KIAA1549L: variants seen among roughly 807,000 people sequenced by gnomAD.
KIAA1549L encodes the protein UPF0606 protein KIAA1549L.
Under a neutral mutation model 160.7 loss-of-function variants are expected in KIAA1549L, and 88 were observed. The observed-to-expected ratio is 0.55, with a 90% CI of 0.46 to 0.65. The LOEUF (loss-of-function observed/expected upper bound fraction) is 0.65, where lower values mean the gene tolerates loss of function less well. KIAA1549L is among the 30% of genes least tolerant of loss of function. The pLI is 0.00. For synonymous variants in KIAA1549L, 950 were observed against 976.7 expected (o/e 0.97, Z 0.51); for missense variants, 2,258 against 2,437.5 (o/e 0.93, Z 1.55).
intron 1 of KIAA1549L, among the ~76,000 whole-genome samples, chr11:33,447,920 A>G (rs568845815): frequency 1.3e-5 from 2 of 152,286 alleles, no homozygotes; most frequent in East Asian, 3.9e-4. Context: ...AAGAGTGAGC[A>G]TTCCAGACAG....
At position 33,606,669 on chromosome 11, in the gene KIAA1549L, G is replaced by C. The variant is rs988171118; in HGVS notation, c.4908G>C (p.Ala1636=). The change falls in exon 14 of 21, where the codon GCG becomes GCC. Residue 1636 remains alanine (A), a synonymous_variant. Transcript: ENST00000658780. ...NVPASDEEEG[A]VLFDNSSKVA... is the part of the protein sequence containing the mutation. Reference sequence around the variant, plus strand: ...CAGCGAGTGACGAAGAGGAGGGAGCGGTTCTATTTGACAACTCCAGCAAGG... The same window carrying C: ...CAGCGAGTGACGAAGAGGAGGGAGCCGTTCTATTTGACAACTCCAGCAAGG... 4 of 1,613,796 alleles carry C rather than the reference G, an allele frequency of 2.5e-6. No individual in the cohort carries two copies. The highest frequency in any genetic ancestry group is 3.3e-4 in the Middle Eastern group (2 of 6,082).
intron 12 of KIAA1549L, among the ~76,000 whole-genome samples, chr11:33,598,172 GAGTT>G (rs1421044848): frequency 5.4e-5 from 8 of 148,664 alleles, no homozygotes; most frequent in East Asian, 2.0e-4. Flanking sequence ...CACAGTTAGA[GAGTT>G]AGAGAGAGAA....
intron 16 of KIAA1549L, among the ~76,000 whole-genome samples, chr11:33,633,841 T>G (rs999115980): frequency 6.6e-6 from 1 of 152,206 alleles, no homozygotes; most frequent in Non-Finnish European, 1.5e-5. Context: ...CCTTCCTATC[T>G]GCGCTTTAGT....
At chr11:33,559,257 T>C (rs1854756344) in intron 6 of KIAA1549L, among the ~76,000 whole-genome samples, 1 of 152,212 alleles carries the variant, frequency 6.6e-6, no homozygotes, top group Non-Finnish European at 1.5e-5. Context: ...TCAGGCTTTC[T>C]CTATCTGAGC....
At position 33,669,985 on chromosome 11, in the gene KIAA1549L, T is replaced by C. The variant is rs1590476377; in HGVS notation, c.*1831T>C. The C allele has an allele frequency of 6.6e-6, 1 of 152,234 alleles. No homozygotes were observed. The highest frequency in any genetic ancestry group is 1.5e-5 in the Non-Finnish European group (1 of 68,042). The allele number at this position is 152,234 out of a possible 1,614,324, so 9.4% of individuals were successfully genotyped here. On this transcript the variant is annotated 3_prime_UTR_variant, in exon 21 of 21. Coordinates refer to ENST00000658780, the MANE Select transcript of KIAA1549L (RefSeq NM_012194.3). ...TATATTTCTATCAATGGCCAGTTGTTGTAGTCCAAAACCTAAATCAGTTTG... is the reference window on the plus strand; with the variant it reads ...TATATTTCTATCAATGGCCAGTTGTCGTAGTCCAAAACCTAAATCAGTTTG...
rs1852392927 is a variant in KIAA1549L at position 33,480,680 on chromosome 11, G to A, written c.239-61122G>A. The stretch of plus-strand genomic sequence containing the variant: ...TCAGTCCACATAGACACTGCAAGAA[G>A]CTCATCACCCAAGTCCTGGTGGGCC... On this transcript the variant is annotated intron_variant, in intron 1 of 20. Coordinates refer to ENST00000658780, the MANE Select transcript of KIAA1549L (RefSeq NM_012194.3). 2.0e-5 allele frequency among the ~76,000 whole-genome samples: 3 copies of A among 152,206 alleles called. No homozygotes were observed. In the South Asian group the frequency reaches 6.2e-4, roughly 32 times the overall value.
intron 4 of KIAA1549L, among the ~76,000 whole-genome samples, chr11:33,549,582 G>A (rs760836463): frequency 2.0e-5 from 3 of 152,186 alleles, no homozygotes; most frequent in Non-Finnish European, 4.4e-5. Context: ...CCATCTTCAT[G>A]AAAAACTGAC....
In KIAA1549L at chr11:33,544,810, C is replaced by T. The variant is rs190536807; in HGVS notation, c.2817C>T (p.Ala939=). The T allele has an allele frequency of 5.1e-4, 815 of 1,608,706 alleles. 4 individuals are homozygous for T. The highest frequency in any genetic ancestry group is 1.2e-4 in the African/African-American group (9 of 74,920). Residue 939 remains alanine, a synonymous_variant, in exon 3 of 21, where the codon GCC becomes GCT. Transcript: ENST00000658780. The part of the protein sequence containing the change: ...SSKVQPTAAA[A]VTLFLRKSSP... Reference sequence around the variant, plus strand: ...AGGTACAGCCAACAGCAGCAGCTGCCGTCACATTGTTTCTGAGGAAATCAA... The same window carrying T: ...AGGTACAGCCAACAGCAGCAGCTGCTGTCACATTGTTTCTGAGGAAATCAA...
intron 1 of KIAA1549L, among the ~76,000 whole-genome samples, chr11:33,450,063 T>C (rs989583697): frequency 3.9e-5 from 6 of 152,216 alleles, no homozygotes; most frequent in African/African-American, 1.4e-4. Flanking sequence ...CTTGTAGCTT[T>C]TCCTTAGATG....
intron 3 of KIAA1549L, among the ~76,000 whole-genome samples, chr11:33,546,742 C>A (rs1039763816): frequency 1.3e-5 from 2 of 152,206 alleles, no homozygotes; most frequent in African/African-American, 4.8e-5. Flanking sequence ...TGCAGGGGAT[C>A]TATTCCGAGA....
chr11:33,545,395 C>A lies in KIAA1549L; in HGVS notation c.3385+17C>A. The A allele has an allele frequency of 1.9e-6, 3 of 1,590,798 alleles. No homozygotes were observed. Among genetic ancestry groups the A allele is most frequent in the South Asian group, 2.2e-5 (2 of 89,110 alleles). Reference sequence around the variant, plus strand: ...TGAAGACAGGTATGAGACCACTGTTCTGATCTGAAAGCAGCAAGCCTGGCC... The same window carrying A: ...TGAAGACAGGTATGAGACCACTGTTATGATCTGAAAGCAGCAAGCCTGGCC... On this transcript the variant is annotated intron_variant, in intron 3 of 20. Coordinates refer to ENST00000658780, the MANE Select transcript of KIAA1549L (RefSeq NM_012194.3).
In KIAA1549L at chr11:33,604,806, G is replaced by A. The variant is rs186585031; in HGVS notation, c.4880-1835G>A. Among the ~76,000 whole-genome samples the A allele has an allele frequency of 1.4e-3, 213 of 152,248 alleles. 1 individual carries two copies. The highest frequency in any genetic ancestry group is 3.9e-4 in the East Asian group (2 of 5,186). On this transcript the variant is annotated intron_variant, in intron 13 of 20. Coordinates refer to ENST00000658780, the MANE Select transcript of KIAA1549L (RefSeq NM_012194.3). ...ATGGACTTTGGGGACAGAGGAGAGG[G>A]TGAGGGGGGAGTGAGGGATAAAAGA...
At chr11:33,565,705 C>CTTTT (rs769888532) in intron 8 of KIAA1549L, among the ~76,000 whole-genome samples, 12,953 of 131,154 alleles carry the variant, frequency 0.099, 750 homozygotes, top group East Asian at 0.32. Flanking sequence ...TCCGTGGAGG[C>CTTTT]TTTTTTTTTT....
At chr11:33,408,971 ATT>A (rs1554974477) in intron 1 of KIAA1549L, among the ~76,000 whole-genome samples, 7 of 149,258 alleles carry the variant, frequency 4.7e-5, no homozygotes, top group Admixed American at 6.7e-5. Context: ...AAAAAAAAAA[ATT>A]AGGTATCCTT....
chr11:33,513,511 T>C (rs556850366), intron 1 of KIAA1549L, among the ~76,000 whole-genome samples: 5 of 152,318 alleles, frequency 3.3e-5, no homozygotes, highest in African/African-American at 1.2e-4. Context: ...TTCTTTTCTT[T>C]CTGTTTCTTC....
intron 1 of KIAA1549L, among the ~76,000 whole-genome samples, chr11:33,451,780 A>G (rs743255): frequency 0.17 from 25,638 of 152,222 alleles, 2,607 homozygotes; most frequent in East Asian, 0.32. Flanking sequence ...AAACCTCAAA[A>G]GCAAGAACCT....
intron 1 of KIAA1549L, among the ~76,000 whole-genome samples, chr11:33,432,676 T>G (rs1851274367): frequency 1.3e-5 from 2 of 152,126 alleles, no homozygotes; most frequent in African/African-American, 4.8e-5. Context: ...CTACCTGACT[T>G]CAAACTATAC....
intron 1 of KIAA1549L, among the ~76,000 whole-genome samples, chr11:33,388,685 A>T (rs1177922167): frequency 6.6e-6 from 1 of 152,224 alleles, no homozygotes; most frequent in Admixed American, 6.5e-5. Flanking sequence ...TTCTGTTAGA[A>T]ACAGGGAAAG....
chr11:33,663,758 G>A (rs539136198), intron 20 of KIAA1549L, among the ~76,000 whole-genome samples: 2 of 152,280 alleles, frequency 1.3e-5, no homozygotes, highest in Non-Finnish European at 2.9e-5. Context: ...CTCTTGCTCT[G>A]CACAATTCTG....
Sources: allele counts gnomAD v4.1 joint callset (sites outside exome capture counted in the v4.1 genomes callset), GRCh38; gene constraint gnomAD v4.1.1; transcripts MANE v1.5; gene names NCBI Gene and HGNC (gene_info 2026-07-23, HGNC 2026-07-21).